INTS11: variants seen among roughly 807,000 people sequenced by gnomAD.
INTS11 encodes integrator complex subunit 11.
In INTS11, 77 loss-of-function variants were observed where a neutral mutation model predicts 78.6. The ratio of observed to expected loss-of-function variants is 0.98; its 90% CI spans 0.81 to 1.18. The LOEUF is 1.18. Among genes scored for constraint, INTS11 ranks in the 50% most tolerant of loss-of-function variants. The pLI, the probability that INTS11 is intolerant of heterozygous loss-of-function variation, is 0.00. For synonymous variants in INTS11, 441 were observed against 326.9 expected (o/e 1.35, Z -3.77); for missense variants, 875 against 825.9 (o/e 1.06, Z -0.73).
chr1:1,319,270 G>T, intron 4 of INTS11, 26 bp downstream of exon 4: 1 of 1,570,958 alleles, frequency 6.4e-7, no homozygotes, highest in Non-Finnish European at 8.8e-7. Flanking sequence ...CAGTGACTGT[G>T]CCAGCTGTGG....
In INTS11 at chr1:1,313,716, C is replaced by G; in HGVS notation, c.957+16G>C. The G allele has an allele frequency of 6.2e-7, 1 of 1,610,664 alleles. No individual in the cohort carries two copies. Among genetic ancestry groups the G allele is most frequent in the Non-Finnish European group, 8.5e-7 (1 of 1,178,076 alleles). On this transcript the variant is annotated intron_variant, in intron 9 of 16. Transcript: ENST00000435064. ...ACGGGTGTGGATGTGCTGGCCGGCC[C>G]TGCCGCGGGCCTCACCATCGGTCCT...
At chr1:1,313,217 T>A in intron 10 of INTS11, 93 bp from the exon 11 acceptor site, 1 of 1,398,024 alleles carries the variant, frequency 7.2e-7, no homozygotes, top group Non-Finnish European at 9.8e-7. Context: ...CCCTGGAAGC[T>A]GTTTCCACCT....
chr1:1,314,646 C>G lies in INTS11; in HGVS notation c.702+178G>C. On this transcript the variant is annotated intron_variant, in intron 7 of 16. Transcript: ENST00000435064. The surrounding 1 kb of genome is among the most constrained non-coding windows in gnomAD (Gnocchi z 4.2). The stretch of plus-strand genomic sequence containing the variant: ...TGAGGTAGGAGGGAAAAGGGGCTCC[C>G]TAGGAAAGGGTCTCTGAGTTTTCCT... 1.2e-6 allele frequency: 1 copy of G among 827,970 alleles called. No homozygotes were observed. Among genetic ancestry groups the G allele is most frequent in the South Asian group, 1.8e-5 (1 of 54,572 alleles). 51.3% of individuals were successfully genotyped at this position (827,970 alleles called of 1,614,324 possible).
rs1300023880 is a variant in INTS11 at position 1,312,892 on chromosome 1, C to T, written c.1189G>A (p.Gly397Ser). ...MSFSAHADAKGIMQLVGQAEP... is the reference protein window; with the variant it reads ...MSFSAHADAKSIMQLVGQAEP... ...GCCTGGCCCACCAGCTGCATGATGC[C>T]CTTGGCGTCCGCGTGTGCGCTGAAT... The change falls in exon 12 of 17, where the codon GGC becomes AGC. Residue 397 changes from glycine (G) to serine (S), a missense_variant. Gly to Ser is a moderately conservative substitution (Grantham distance 56). Transcript: ENST00000435064. 6.2e-7 allele frequency: 1 copy of T among 1,612,622 alleles called. No individual in the cohort carries two copies.
At chr1:1,322,255 G>A (rs1424514959) in intron 1 of INTS11, among the ~76,000 whole-genome samples, 1 of 151,792 alleles carries the variant, frequency 6.6e-6, no homozygotes, top group East Asian at 2.0e-4. Flanking sequence ...GCCCAGTCCT[G>A]AAGTACTGGC....
At position 1,314,315 on chromosome 1, in the gene INTS11, G is replaced by C; in HGVS notation, c.753C>G (p.Leu251=). 4 of 1,603,694 alleles carry C rather than the reference G, an allele frequency of 2.5e-6. No homozygotes were observed. The highest frequency in any genetic ancestry group is 2.3e-5 in the East Asian group (1 of 44,378). The change falls in exon 8 of 17, where the codon CTC becomes CTG. Residue 251 remains leucine (L), a synonymous_variant. Coordinates refer to ENST00000435064, the MANE Select transcript of INTS11 (RefSeq NM_017871.6). This position sits in a 1 kb window ranked among gnomAD's most constrained non-coding sequence, Gnocchi z 4.2. ...ALGRAQELCI[L]LETFWERMNL... ...GCGGCACCTACCAGAAGGTCTCCAGGAGGATGCAGAGCTCCTGGGCGCGGC... is the reference window on the plus strand; with the variant it reads ...GCGGCACCTACCAGAAGGTCTCCAGCAGGATGCAGAGCTCCTGGGCGCGGC...
chr1:1,320,684 T>A (rs753050823), intron 2 of INTS11, 155 bp from the exon 3 acceptor site: 11 of 805,656 alleles, frequency 1.4e-5, no homozygotes. Context: ...GACCCCTGGC[T>A]GCTCACAGCA....
At position 1,321,981 on chromosome 1, in the gene INTS11, C is replaced by T. The variant is rs1642974464; in HGVS notation, c.29-888G>A. On this transcript the variant is annotated intron_variant, in intron 1 of 16. Coordinates refer to ENST00000435064, the MANE Select transcript of INTS11 (RefSeq NM_017871.6). Reference sequence around the variant, plus strand: ...GGATGACGGGGCCACAGCCGAGGGGCTGCCTGCCACAGAGAGGGGATCTCA... The same window carrying T: ...GGATGACGGGGCCACAGCCGAGGGGTTGCCTGCCACAGAGAGGGGATCTCA... 3.5e-6 allele frequency: 4 copies of T among 1,144,126 alleles called. No individual in the cohort carries two copies. In the African/African-American group the frequency reaches 5.3e-5, roughly 15 times the overall value. The allele number at this position is 1,144,126 out of a possible 1,614,324, so 70.9% of individuals were successfully genotyped here. A position where few individuals can be genotyped will look rare whatever the true frequency, so the allele number is the denominator to read the frequency against.
In INTS11 at chr1:1,322,934, C is replaced by A. The variant is rs926311657; in HGVS notation, c.28+1647G>T. On this transcript the variant is annotated intron_variant, in intron 1 of 16. Coordinates refer to ENST00000435064, the MANE Select transcript of INTS11 (RefSeq NM_017871.6). ...TGAGAATATACCCAGGTACAGATTG[C>A]GGGTAATTGAAGCCACATGAAAGAT... 4.9e-5 allele frequency: 66 copies of A among 1,344,282 alleles called. No individual in the cohort carries two copies. The Middle Eastern group carries it at 8.4e-4, about 17-fold the overall frequency. 83.3% of individuals were successfully genotyped at this position (1,344,282 alleles called of 1,614,324 possible). A position where few individuals can be genotyped will look rare whatever the true frequency, so the allele number is the denominator to read the frequency against.
rs767334657 is a variant in INTS11 at position 1,312,196 on chromosome 1, A to AG, written c.1607+29dup. 37 of 1,137,936 alleles carry AG rather than the reference A, an allele frequency of 3.3e-5. No individual in the cohort carries two copies. In the South Asian group the frequency reaches 5.0e-4, roughly 15 times the overall value. The allele number at this position is 1,137,936 out of a possible 1,614,324, so 70.5% of individuals were successfully genotyped here. ...CTGCCTGGCCTCCAGGGCCCAAGGG[A>AG]GTGGGGGGGGGGCGGGGCCGGGCGC... On this transcript the variant is annotated intron_variant, in intron 15 of 16. Transcript: ENST00000435064.
At chr1:1,320,657 C>T (rs765961605) in intron 2 of INTS11, 128 bp from the exon 3 acceptor site, 4 of 947,906 alleles carry the variant, frequency 4.2e-6, no homozygotes. Flanking sequence ...GCACTCCCAT[C>T]CCGCAGGTGG....
chr1:1,324,614 C>A lies in INTS11; in HGVS notation c.-6G>T. On this transcript the variant is annotated 5_prime_UTR_variant, in exon 1 of 17. Coordinates refer to ENST00000435064, the MANE Select transcript of INTS11 (RefSeq NM_017871.6). ...GTGACTCTGATCTCAGGCATCGTCT[C>A]CGCCGCGCTCCCGGACCCGCGAGGC... is the stretch of plus-strand genomic sequence containing the variant. 1 of 1,599,054 alleles carries A rather than the reference C, an allele frequency of 6.3e-7. No individual in the cohort carries two copies. The highest frequency in any genetic ancestry group is 8.5e-7 in the Non-Finnish European group (1 of 1,174,622).
rs1335436112 is a variant in INTS11, at chr1:1,321,064, T to C, written c.58A>G (p.Ile20Val). 2 of 1,612,578 alleles carry C rather than the reference T, an allele frequency of 1.2e-6. No individual in the cohort carries two copies. The highest frequency in any genetic ancestry group is 2.7e-5 in the African/African-American group (2 of 74,934). The change falls in exon 2 of 17, where the codon ATC (isoleucine) becomes GTC (valine). Residue 20 changes from isoleucine (I) to valine (V), a missense_variant. By Grantham distance (29) the Ile-to-Val change is conservative. Coordinates refer to ENST00000435064, the MANE Select transcript of INTS11 (RefSeq NM_017871.6). ...TTCTTGCCCGCAATGGAGACCAGGATGCAGCTTCGGCCCACGTCCTGGCCG... is the reference window on the plus strand; with the variant it reads ...TTCTTGCCCGCAATGGAGACCAGGACGCAGCTTCGGCCCACGTCCTGGCCG... Reference protein sequence around the residue: ...GAGQDVGRSCILVSIAGKNVM... With the variant: ...GAGQDVGRSCVLVSIAGKNVM...
chr1:1,311,869 G>C lies in INTS11; in HGVS notation c.1793C>G (p.Ala598Gly), dbSNP rs983727680. ...TSLLKKGLPQAPS is the reference protein window; with the variant it reads ...TSLLKKGLPQGPS ...GGTGAGTTGCCGGCCTCAGCTGGGG[G>C]CCTGGGGGAGGCCCTTCTTCAGCAG... Residue 598 changes from alanine (A) to glycine (G), a missense_variant, in exon 17 of 17, where the codon GCC (alanine) becomes GGC (glycine). Physicochemically the swap from Ala to Gly is moderately conservative, Grantham distance 60. Coordinates refer to ENST00000435064, the MANE Select transcript of INTS11 (RefSeq NM_017871.6). 1.9e-6 allele frequency: 3 copies of C among 1,559,292 alleles called. No homozygotes were observed. The highest frequency in any genetic ancestry group is 2.6e-6 in the Non-Finnish European group (3 of 1,152,430).
Position 1,313,924 on chromosome 1 carries a change from G to A in INTS11, c.768-3C>T. 6.2e-7 allele frequency: 1 copy of A among 1,610,902 alleles called. No homozygotes were observed. Among genetic ancestry groups the A allele is most frequent in the Non-Finnish European group, 8.5e-7 (1 of 1,178,418 alleles). ...GCACCTTCAGGTTCATGCGCTCCCT[G>A]GGGACCACCGGCCCAGTCAGCACAG... On this transcript the variant is annotated splice_polypyrimidine_tract_variant and splice_region_variant and intron_variant, in intron 8 of 16. Transcript: ENST00000435064.
chr1:1,315,161 C>T (rs897753289), intron 6 of INTS11, 199 bp from the exon 7 acceptor site: 10 of 749,302 alleles, frequency 1.3e-5, no homozygotes, highest in East Asian at 1.1e-4. Context: ...CCAGACACTT[C>T]GGAAGAGCGA....
intron 1 of INTS11, chr1:1,322,668 G>A (rs1315517577): frequency 8.2e-6 from 1 of 122,434 alleles, no homozygotes; most frequent in East Asian, 2.6e-4. Flanking sequence ...GGAGGGAAGG[G>A]ACCAGCAGGG....
At position 1,314,956 on chromosome 1, in the gene INTS11, G is replaced by C. The variant is rs749044981; in HGVS notation, c.570C>G (p.Ala190=). The change falls in exon 7 of 17, where the codon GCC becomes GCG. Residue 190 remains alanine (A), a synonymous_variant. Coordinates refer to ENST00000435064, the MANE Select transcript of INTS11 (RefSeq NM_017871.6). This position sits in a 1 kb window ranked among gnomAD's most constrained non-coding sequence, Gnocchi z 4.2. The part of the protein sequence containing the change: ...NMTPDRHLGA[A]WIDKCRPNLL... ...GGTTGGGGCGGCACTTGTCAATCCA[G>C]GCAGCTCTGGAACACGGGGGTGGGG... 1.9e-6 allele frequency: 3 copies of C among 1,612,302 alleles called. No homozygotes were observed. Among genetic ancestry groups the C allele is most frequent in the Non-Finnish European group, 2.5e-6 (3 of 1,179,472 alleles).
In INTS11 at chr1:1,314,871, G is replaced by A. The variant is rs1642481629; in HGVS notation, c.655C>T (p.Arg219Ter). 7 of 1,612,820 alleles carry A rather than the reference G, an allele frequency of 4.3e-6. No individual in the cohort carries two copies. The highest frequency in any genetic ancestry group is 5.1e-6 in the Non-Finnish European group (6 of 1,179,890). ...TCGTGGACTTTCTTCAGGAAGTCTCGCTCCCGGCAGCGCTTGGAGTCACGG... is the reference window on the plus strand; with the variant it reads ...TCGTGGACTTTCTTCAGGAAGTCTCACTCCCGGCAGCGCTTGGAGTCACGG... ...TIRDSKRCRE[R>*]DFLKKVHETV... Residue 219 changes from arginine (R) to a stop codon, truncating the protein, a stop_gained, in exon 7 of 17, where the codon CGA becomes TGA. Transcript: ENST00000435064. LOFTEE classifies it high-confidence loss of function. The surrounding 1 kb of genome is among the most constrained non-coding windows in gnomAD (Gnocchi z 4.2).
Sources: gnomAD v4.1 joint callset for allele counts (sites outside exome capture counted in the v4.1 genomes callset) on GRCh38, gnomAD v4.1.1 for gene constraint, Gnocchi (gnomAD v3.1) non-coding constraint, MANE v1.5 for transcripts, NCBI Gene and HGNC (gene_info 2026-07-23, HGNC 2026-07-21) for gene names.